The following UNC13C variants were observed in gnomAD, a reference collection of about 807,000 sequenced individuals.
UNC13C encodes the protein unc-13 homolog C, also known as protein unc-13 homolog C.
UNC13C carries 174 observed loss-of-function variants against 245.4 expected under a neutral mutation model. The observed-to-expected ratio is 0.71, with a 90% CI of 0.63 to 0.80. The LOEUF is 0.80. Ranked by LOEUF, UNC13C falls within the 30% of genes least tolerant of loss-of-function variation. The pLI, the probability that UNC13C is intolerant of heterozygous loss-of-function variation, is 0.00. For missense variants in UNC13C, 2,829 were observed against 2,602.9 expected (o/e 1.09, Z -1.89); for synonymous variants, 992 against 895.1 (o/e 1.11, Z -1.93).
At position 54,603,243 on chromosome 15, in the gene UNC13C, C is replaced by T. The variant is rs149024209; in HGVS notation, c.6107-19084C>T. On this transcript the variant is annotated intron_variant, in intron 30 of 32. Transcript: ENST00000260323. Reference sequence around the variant, plus strand: ...TGGGAGGATCCAAAAATTAGGCTGCCATCTCTCACACATCTTCCTAGAATT... The same window carrying T: ...TGGGAGGATCCAAAAATTAGGCTGCTATCTCTCACACATCTTCCTAGAATT... 1.9e-3 allele frequency among the ~76,000 whole-genome samples: 293 copies of T among 152,264 alleles called. 1 individual carries two copies. Among genetic ancestry groups the T allele is most frequent in the Middle Eastern group, 3.4e-3 (1 of 294 alleles).
At chr15:53,964,778 A>C in the UNC13C span, among the ~76,000 whole-genome samples, 1 of 152,224 alleles carries the variant, frequency 6.6e-6, no homozygotes, top group East Asian at 1.9e-4. Context: ...ATCTAAAGCC[A>C]GATGAAGATT....
At chr15:53,935,812 G>A in the UNC13C span, among the ~76,000 whole-genome samples, 2 of 152,108 alleles carry the variant, frequency 1.3e-5, no homozygotes, top group Non-Finnish European at 2.9e-5. Flanking sequence ...TGAAACCCAT[G>A]GAACAGGAGA....
At chr15:53,928,936 A>C in the UNC13C span, among the ~76,000 whole-genome samples, 1 of 152,236 alleles carries the variant, frequency 6.6e-6, no homozygotes, top group Non-Finnish European at 1.5e-5. Flanking sequence ...TGATGATTAC[A>C]TCATGACAAG....
chr15:54,106,107 T>A (rs1049963711), intron 2 of UNC13C, among the ~76,000 whole-genome samples: 4 of 152,218 alleles, frequency 2.6e-5, no homozygotes, highest in African/African-American at 9.6e-5. Context: ...GGTACAGCAG[T>A]CTCTCTAGAT....
At chr15:54,620,131 G>T (rs1900701841) in intron 30 of UNC13C, among the ~76,000 whole-genome samples, 1 of 152,094 alleles carries the variant, frequency 6.6e-6, no homozygotes, top group African/African-American at 2.4e-5. Flanking sequence ...AAGGAAATAT[G>T]TATTTTGAGA....
At chr15:53,867,181 G>T in the UNC13C span, among the ~76,000 whole-genome samples, 45 of 152,254 alleles carry the variant, frequency 3.0e-4, no homozygotes, top group Middle Eastern at 3.4e-3. Flanking sequence ...AAAAGGCAAG[G>T]ATGCTCACTC....
chr15:53,965,539 C>CTTATTTATTTAT, the UNC13C span, among the ~76,000 whole-genome samples: 54 of 144,700 alleles, frequency 3.7e-4, no homozygotes, highest in African/African-American at 1.2e-3. Flanking sequence ...TTTTTTTTCC[C>CTTATTTATTTAT]TTATTTATTT....
At chr15:54,411,136 T>C (rs2040408624) in intron 18 of UNC13C, among the ~76,000 whole-genome samples, 2 of 152,198 alleles carry the variant, frequency 1.3e-5, no homozygotes, top group Non-Finnish European at 2.9e-5. Flanking sequence ...TCCCATCTAA[T>C]TTTTTTCTCT....
At chr15:53,989,332 T>TAAAAA (rs10675554) in intron 1 of UNC13C, among the ~76,000 whole-genome samples, 4 of 145,452 alleles carry the variant, frequency 2.8e-5, no homozygotes, top group African/African-American at 7.5e-5. Context: ...GCTTAATTGT[T>TAAAAA]AAAAAAAAAA....
chr15:54,087,585 G>T (rs372861026), intron 2 of UNC13C, among the ~76,000 whole-genome samples: 1 of 152,220 alleles, frequency 6.6e-6, no homozygotes, highest in African/African-American at 2.4e-5. Flanking sequence ...CCACAGATGG[G>T]CATATTACAG....
chr15:54,335,104 A>G (rs2038539039), intron 16 of UNC13C, among the ~76,000 whole-genome samples: 1 of 152,060 alleles, frequency 6.6e-6, no homozygotes, highest in South Asian at 2.1e-4. Flanking sequence ...AGTATTGATG[A>G]GCCATCTGTT....
chr15:54,000,279 A>AT (rs1449312087), intron 1 of UNC13C, among the ~76,000 whole-genome samples: 2 of 152,104 alleles, frequency 1.3e-5, no homozygotes, highest in Non-Finnish European at 2.9e-5. Context: ...AAACTACTGG[A>AT]TTTTAGTTTT....
At chr15:54,625,294 G>C (rs529191013) in intron 32 of UNC13C, among the ~76,000 whole-genome samples, 1 of 143,236 alleles carries the variant, frequency 7.0e-6, no homozygotes, top group Admixed American at 7.0e-5. Context: ...CTGAGATATA[G>C]TCCCAACAGA....
chr15:54,402,844 A>T (rs2040215406), intron 18 of UNC13C, among the ~76,000 whole-genome samples: 1 of 152,202 alleles, frequency 6.6e-6, no homozygotes, highest in Admixed American at 6.5e-5. Context: ...TAATCCTTCC[A>T]AATATTTCTG....
chr15:54,275,237 A>G (rs1485101422), intron 10 of UNC13C, among the ~76,000 whole-genome samples: 1 of 152,228 alleles, frequency 6.6e-6, no homozygotes, highest in African/African-American at 2.4e-5. Context: ...TAGGTAGGCT[A>G]CTTAGAACAC....
chr15:54,522,495 AC>A (rs1895265641), intron 24 of UNC13C, among the ~76,000 whole-genome samples: 1 of 150,060 alleles, frequency 6.7e-6, no homozygotes, highest in South Asian at 2.1e-4. Flanking sequence ...AAACAAAACA[AC>A]AACAACAACA....
At chr15:54,016,703 A>G (rs1215680810) in intron 2 of UNC13C, among the ~76,000 whole-genome samples, 1 of 152,168 alleles carries the variant, frequency 6.6e-6, no homozygotes, top group Non-Finnish European at 1.5e-5. Flanking sequence ...TTTACTTTCT[A>G]TTTCTCAACC....
intron 3 of UNC13C, 25 bp from the exon 4 acceptor site, chr15:54,143,595 G>GT: frequency 6.2e-7 from 1 of 1,608,634 alleles, no homozygotes; most frequent in Non-Finnish European, 8.5e-7. Flanking sequence ...TGTTTGTTTT[G>GT]TTTTTCTCTT....
chr15:54,544,096 C>G (rs905408923), intron 26 of UNC13C, among the ~76,000 whole-genome samples: 4 of 152,150 alleles, frequency 2.6e-5, no homozygotes, highest in Admixed American at 2.0e-4. Flanking sequence ...GCTTATCTAC[C>G]ATGATCAAAT....
Sources: gnomAD v4.1 joint callset for allele counts (sites outside exome capture counted in the v4.1 genomes callset) on GRCh38, gnomAD v4.1.1 for gene constraint, MANE v1.5 for transcripts, NCBI Gene and HGNC (gene_info 2026-07-23, HGNC 2026-07-21) for gene names.